The following USH2A variants were observed in gnomAD, a reference collection of about 807,000 sequenced individuals.
USH2A encodes Usher syndrome 2A (autosomal recessive, mild).
USH2A carries 443 observed loss-of-function variants against 538.9 expected under a neutral mutation model. The ratio of observed to expected loss-of-function variants is 0.82; its 90% CI spans 0.76 to 0.89. The LOEUF is 0.89. Among genes scored for constraint, USH2A ranks in the 40% least tolerant of loss-of-function variants. The pLI is 0.00. For missense variants in USH2A, 6,633 were observed against 6,324.8 expected, an observed-to-expected ratio of 1.05 and a Z score of -1.65; for synonymous variants, 2,413 against 2,273.5, an observed-to-expected ratio of 1.06 and a Z score of -1.75.
chr1:215,978,917 T>C (rs1015417717), intron 35 of USH2A, among the ~76,000 whole-genome samples: 1 of 152,174 alleles, frequency 6.6e-6, no homozygotes, highest in Non-Finnish European at 1.5e-5. Flanking sequence ...AAGTGCAAGG[T>C]TCAGTAAAGG....
intron 21 of USH2A, among the ~76,000 whole-genome samples, chr1:216,155,564 T>G (rs557691821): frequency 2.0e-5 from 3 of 152,252 alleles, no homozygotes; most frequent in African/African-American, 7.2e-5. Context: ...CTTCAACTTA[T>G]CAGCAGCACC....
rs901811617 is a variant in USH2A at position 216,175,160 on chromosome 1, A to G, written c.4627+92T>C. 13 of 1,570,892 alleles carry G rather than the reference A, an allele frequency of 8.3e-6. No homozygotes were observed. In the African/African-American group the frequency reaches 1.8e-4, roughly 21 times the overall value. On this transcript the variant is annotated intron_variant, in intron 21 of 71. Transcript: ENST00000307340. ...TGAATTAGTATTTCTCTAAGTAGGT[A>G]TAATAAAAATTCATTGTAAAGGGAT...
intron 32 of USH2A, among the ~76,000 whole-genome samples, chr1:216,039,396 A>G (rs1236404762): frequency 6.6e-6 from 1 of 151,970 alleles, no homozygotes; most frequent in Non-Finnish European, 1.5e-5. Flanking sequence ...ATCAAAGGGA[A>G]ACATGGTATG....
chr1:215,995,853 A>T (rs1406207251), intron 34 of USH2A, among the ~76,000 whole-genome samples: 2 of 152,190 alleles, frequency 1.3e-5, no homozygotes, highest in African/African-American at 4.8e-5. Flanking sequence ...CATAAATAAT[A>T]AAATTTTATC....
chr1:215,726,776 T>C (rs892825820), intron 61 of USH2A, among the ~76,000 whole-genome samples: 1 of 152,212 alleles, frequency 6.6e-6, no homozygotes, highest in Non-Finnish European at 1.5e-5. Flanking sequence ...GTTTGAGAGT[T>C]GATCTCCCAG....
At chr1:216,314,759 T>C (rs1319354470) in intron 9 of USH2A, among the ~76,000 whole-genome samples, 2 of 152,202 alleles carry the variant, frequency 1.3e-5, no homozygotes, top group East Asian at 1.9e-4. Flanking sequence ...TGATTGTAGT[T>C]AATTCATAAG....
intron 37 of USH2A, among the ~76,000 whole-genome samples, chr1:215,960,541 A>T (rs1415534985): frequency 6.6e-6 from 1 of 152,100 alleles, no homozygotes; most frequent in Non-Finnish European, 1.5e-5. Flanking sequence ...TGAGCAAAGC[A>T]CTTATTCCAG....
intron 32 of USH2A, among the ~76,000 whole-genome samples, chr1:216,030,939 A>C (rs1468370836): frequency 1.3e-5 from 2 of 151,848 alleles, no homozygotes; most frequent in Non-Finnish European, 2.9e-5. Flanking sequence ...ATAAAAAAAA[A>C]CTGACAAAAG....
chr1:216,389,957 G>A (rs2039075403), intron 3 of USH2A, among the ~76,000 whole-genome samples: 1 of 151,972 alleles, frequency 6.6e-6, no homozygotes, highest in African/African-American at 2.4e-5. Flanking sequence ...TGAACTGTCA[G>A]TACATTTACT....
intron 37 of USH2A, among the ~76,000 whole-genome samples, chr1:215,948,236 C>G (rs1666806452): frequency 6.6e-6 from 1 of 151,840 alleles, no homozygotes; most frequent in Non-Finnish European, 1.5e-5. Flanking sequence ...CCTTCCTTCC[C>G]CCATGTTTTC....
chr1:216,135,409 C>A (rs1032813408), intron 21 of USH2A, among the ~76,000 whole-genome samples: 1 of 151,900 alleles, frequency 6.6e-6, no homozygotes, highest in African/African-American at 2.4e-5. Context: ...AGTCTGTGTT[C>A]AGTGTTGAGC....
intron 70 of USH2A, among the ~76,000 whole-genome samples, chr1:215,633,289 T>A (rs552874359): frequency 3.6e-4 from 55 of 152,048 alleles, no homozygotes; most frequent in Non-Finnish European, 6.2e-4. Context: ...CAGATGTGAG[T>A]AGAGAGCCAA....
intron 70 of USH2A, among the ~76,000 whole-genome samples, chr1:215,634,054 T>C (rs1656396744): frequency 6.6e-6 from 1 of 152,182 alleles, no homozygotes; most frequent in Admixed American, 6.5e-5. Context: ...TACACAGTAA[T>C]ACAACCTATA....
chr1:216,030,110 A>G (rs1669068075), intron 32 of USH2A, among the ~76,000 whole-genome samples: 1 of 145,710 alleles, frequency 6.9e-6, no homozygotes, highest in Admixed American at 7.0e-5. Context: ...GATATATAAT[A>G]TATGGTATAT....
At chr1:215,993,335 TGC>T (rs2102476988) in intron 34 of USH2A, among the ~76,000 whole-genome samples, 168 bp from the exon 35 acceptor site, 1 of 152,338 alleles carries the variant, frequency 6.6e-6, no homozygotes, top group South Asian at 2.1e-4. Context: ...TTATTTAATT[TGC>T]TTTTTAAGAC....
intron 34 of USH2A, 106 bp from the exon 35 acceptor site, chr1:215,993,273 T>C: frequency 6.5e-7 from 1 of 1,537,570 alleles, no homozygotes; most frequent in Non-Finnish European, 9.0e-7. Context: ...TGTTATATAG[T>C]GCTACCTTTA....
intron 58 of USH2A, among the ~76,000 whole-genome samples, chr1:215,750,690 A>G (rs951815181): frequency 6.6e-6 from 1 of 152,180 alleles, no homozygotes; most frequent in Non-Finnish European, 1.5e-5. Flanking sequence ...AAATATTGAG[A>G]AAATATAGAA....
chr1:215,750,233 G>T (rs1259796499), intron 58 of USH2A, among the ~76,000 whole-genome samples: 2 of 152,036 alleles, frequency 1.3e-5, no homozygotes, highest in African/African-American at 4.8e-5. Context: ...CTTTTTGGGG[G>T]AACAGAAGTA....
At chr1:216,220,892 A>G (rs2035445692) in intron 14 of USH2A, among the ~76,000 whole-genome samples, 2 of 152,308 alleles carry the variant, frequency 1.3e-5, no homozygotes, top group Non-Finnish European at 2.9e-5. Flanking sequence ...ATCATTCAAC[A>G]TAAAGAACGA....
Sources: allele counts gnomAD v4.1 joint callset (sites outside exome capture counted in the v4.1 genomes callset), GRCh38; gene constraint gnomAD v4.1.1; transcripts MANE v1.5; gene names NCBI Gene and HGNC (gene_info 2026-07-23, HGNC 2026-07-21).